The following APOO variants were observed in gnomAD, a reference collection of about 807,000 sequenced individuals.
APOO encodes the protein MICOS complex subunit MIC26.
APOO carries 11 observed loss-of-function variants against 23.1 expected under a neutral mutation model. The ratio of observed to expected loss-of-function variants is 0.48; its 90% CI spans 0.30 to 0.79. The LOEUF (loss-of-function observed/expected upper bound fraction) is 0.79. Ranked by LOEUF, APOO falls within the 30% of genes least tolerant of loss-of-function variation. The probability of loss-of-function intolerance (pLI) is 0.07; values close to 1 mark genes in which losing one functional copy is unlikely to be tolerated. For synonymous variants in APOO, 59 were observed against 54.8 expected, an observed-to-expected ratio of 1.08 and a Z score of -0.34; for missense variants, 160 against 142.7, an observed-to-expected ratio of 1.12 and a Z score of -0.62.
chrX:23,879,253 T>C (rs1057219491), intron 2 of APOO, among the ~76,000 whole-genome samples: 26 of 111,330 alleles, frequency 2.3e-4, no homozygotes, highest in Non-Finnish European at 4.1e-4. Context: ...CTAGCCAACA[T>C]GGCGAAACCC....
intron 6 of APOO, among the ~76,000 whole-genome samples, chrX:23,858,380 A>G (rs1020115725): frequency 2.7e-5 from 3 of 111,796 alleles, no homozygotes; most frequent in Non-Finnish European, 5.6e-5. Context: ...CAAAAAATGT[A>G]TATTAAATTT....
rs374568454 is a variant in APOO at position 23,885,174 on chromosome X, G to A, written c.10-4222C>T. ...AGCACTTTGGGAGGCCGAGGTGGGT[G>A]GATCACCTGAGGTCGGGAGTTCGAC... On this transcript the variant is annotated intron_variant, in intron 1 of 8. Coordinates refer to ENST00000379226, the MANE Select transcript of APOO (RefSeq NM_024122.5). Among the ~76,000 whole-genome samples the A allele has an allele frequency of 1.6e-4, 17 of 108,633 alleles. No individual in the cohort carries two copies. The East Asian group carries it at 3.2e-3, about 21-fold the overall frequency. The allele number at this position is 108,633 out of a possible 115,157, so 94.3% of individuals were successfully genotyped here. A position where few individuals can be genotyped will look rare whatever the true frequency, so the allele number is the denominator to read the frequency against.
At chrX:23,848,432 G>C (rs960619397) in intron 7 of APOO, among the ~76,000 whole-genome samples, 2 of 111,815 alleles carry the variant, frequency 1.8e-5, no homozygotes, top group East Asian at 5.6e-4. Context: ...CCAAAGTGCT[G>C]GGATTACAGG....
chrX:23,888,323 T>C (rs1056049308), intron 1 of APOO, among the ~76,000 whole-genome samples: 1 of 112,099 alleles, frequency 8.9e-6, no homozygotes, highest in African/African-American at 3.2e-5. Flanking sequence ...GAAGGACTGA[T>C]GTTGGCAAAA....
intron 7 of APOO, among the ~76,000 whole-genome samples, chrX:23,851,292 C>G (rs141364683): frequency 1.5e-3 from 168 of 110,285 alleles, no homozygotes; most frequent in African/African-American, 5.4e-3. Flanking sequence ...CTCCCAGGTT[C>G]AAGCAATTCT....
intron 5 of APOO, among the ~76,000 whole-genome samples, chrX:23,863,338 A>G (rs914599885): frequency 8.9e-6 from 1 of 112,307 alleles, no homozygotes; most frequent in Non-Finnish European, 1.9e-5. Context: ...TCCGTCTCAA[A>G]AAAAAAGAAA....
chrX:23,889,995 C>G (rs1926582121), intron 1 of APOO, among the ~76,000 whole-genome samples: 2 of 111,237 alleles, frequency 1.8e-5, no homozygotes, highest in African/African-American at 6.5e-5. Context: ...TAGATTCTAA[C>G]AGCTTCCCCC....
intron 1 of APOO, 123 bp downstream of exon 1, chrX:23,907,571 A>G: frequency 1.3e-6 from 1 of 741,454 alleles, no homozygotes; most frequent in Admixed American, 3.8e-5. Context: ...CAGCCGGCCC[A>G]GTGGCGGGAA....
intron 1 of APOO, among the ~76,000 whole-genome samples, chrX:23,904,504 G>T (rs933233826): frequency 1.9e-4 from 10 of 53,218 alleles, no homozygotes; most frequent in Non-Finnish European, 2.6e-4. Flanking sequence ...GATGACACTG[G>T]TTTTTTTTTT....
intron 6 of APOO, 119 bp from the exon 7 acceptor site, chrX:23,856,501 C>A: frequency 1.9e-6 from 1 of 514,585 alleles, no homozygotes; most frequent in Non-Finnish European, 3.1e-6. Context: ...TTCATCATAG[C>A]ACTATGCATA....
chrX:23,845,290 T>G (rs1171574782), intron 7 of APOO, among the ~76,000 whole-genome samples: 1 of 112,231 alleles, frequency 8.9e-6, no homozygotes, highest in African/African-American at 3.2e-5. Flanking sequence ...AGCAAAAAAT[T>G]ACAAAGCACA....
At chrX:23,867,506 T>C (rs1925397678) in intron 5 of APOO, among the ~76,000 whole-genome samples, 1 of 112,172 alleles carries the variant, frequency 8.9e-6, no homozygotes, top group Admixed American at 9.5e-5. Context: ...GATGCCACGC[T>C]TCTTGTACAG....
intron 8 of APOO, among the ~76,000 whole-genome samples, chrX:23,839,196 T>C (rs1923859046): frequency 8.9e-6 from 1 of 112,270 alleles, no homozygotes; most frequent in African/African-American, 3.2e-5. Flanking sequence ...GGTTACTGTA[T>C]GAACAGCTAT....
chrX:23,882,161 T>C (rs1438213385), intron 1 of APOO, among the ~76,000 whole-genome samples: 1 of 111,160 alleles, frequency 9.0e-6, no homozygotes, highest in Non-Finnish European at 1.9e-5. Flanking sequence ...AAAACTGCAT[T>C]GAAATTAAGA....
chrX:23,898,410 G>A (rs1402817061), intron 1 of APOO, among the ~76,000 whole-genome samples: 16 of 110,625 alleles, frequency 1.4e-4, no homozygotes, highest in Non-Finnish European at 2.6e-4. Context: ...GCCTAGACCC[G>A]GGTTTCATAT....
chrX:23,875,422 ATT>A (rs111950064), intron 3 of APOO, among the ~76,000 whole-genome samples: 3 of 97,765 alleles, frequency 3.1e-5, no homozygotes, highest in East Asian at 3.4e-4. Context: ...TTATTAATTA[ATT>A]TTTTTTTTTT....
In APOO at chrX:23,887,511, C is replaced by T. The variant is rs759851771; in HGVS notation, c.10-6559G>A. On this transcript the variant is annotated intron_variant, in intron 1 of 8. Transcript: ENST00000379226. ...CCTCCTAAAGTGCTGGGATTACAGG[C>T]ATGAGCCACTGTGCCCGGCCTCCCC... Among the ~76,000 whole-genome samples the T allele has an allele frequency of 5.1e-4, 56 of 110,670 alleles. 2 individuals are homozygous for T. In the East Asian group the frequency reaches 0.015, roughly 30 times the overall value.
chrX:23,867,647 G>A (rs369992705), intron 5 of APOO, among the ~76,000 whole-genome samples: 15 of 111,088 alleles, frequency 1.4e-4, no homozygotes, highest in African/African-American at 3.6e-4. Context: ...GGTTCACACC[G>A]TTCTCCTGCC....
Position 23,880,887 on chromosome X carries a change from T to C in APOO, c.75A>G (p.Pro25=). The C allele has an allele frequency of 8.4e-7, 1 of 1,188,318 alleles. No individual in the cohort carries two copies. Among genetic ancestry groups the C allele is most frequent in the Non-Finnish European group, 1.1e-6 (1 of 885,622 alleles). Residue 25 remains proline (P), a synonymous_variant, in exon 2 of 9, where the codon CCA becomes CCG. Coordinates refer to ENST00000379226, the MANE Select transcript of APOO (RefSeq NM_024122.5). ...SLLTFKVYAA[P]KKDSPPKNSV... ...AATTTTTGGGAGGTGAGTCCTTTTT[T>C]GGTGCTGCATAGACTTTGAAGGTGA...
Sources: gnomAD v4.1 joint callset for allele counts (sites outside exome capture counted in the v4.1 genomes callset) on GRCh38, gnomAD v4.1.1 for gene constraint, MANE v1.5 for transcripts, NCBI Gene and HGNC (gene_info 2026-07-23, HGNC 2026-07-21) for gene names.